Variants in OR51E1 observed in about 807,000 individuals in gnomAD.
OR51E1 encodes the protein olfactory receptor 51E1.
Under a neutral mutation model 11.5 loss-of-function variants are expected in OR51E1, and 9 were observed. That is an observed-to-expected ratio of 0.78 (90% CI 0.47 to 1.37). OR51E1 has a LOEUF of 1.37. Ranked by LOEUF, OR51E1 falls within the 40% of genes most tolerant of loss-of-function variation. The pLI, the probability that OR51E1 is intolerant of heterozygous loss-of-function variation, is 0.00. For missense variants in OR51E1, 397 were observed against 410.2 expected, an observed-to-expected ratio of 0.97 and a Z score of 0.28; for synonymous variants, 168 against 158.3, an observed-to-expected ratio of 1.06 and a Z score of -0.46.
At position 4,653,389 on chromosome 11, in the gene OR51E1, T is replaced by C. The variant is rs577181106; in HGVS notation, c.863T>C (p.Val288Ala). The change falls in exon 2 of 2, where the codon GTG becomes GCG. Residue 288 changes from valine to alanine, a missense_variant. Coordinates refer to ENST00000396952, the MANE Select transcript of OR51E1 (RefSeq NM_152430.4). ...LANIYLLVPP[V>A]LNPIVYGVKT... ...AATATCTATCTGCTGGTTCCTCCTG[T>C]GCTCAACCCAATTGTCTATGGAGTG... 1.7e-5 allele frequency: 27 copies of C among 1,614,194 alleles called. No individual in the cohort carries two copies. In the Middle Eastern group the frequency reaches 4.9e-4, roughly 30 times the overall value.
intron 1 of OR51E1, among the ~76,000 whole-genome samples, chr11:4,648,691 A>G (rs894866802): frequency 1.1e-4 from 17 of 152,168 alleles, no homozygotes; most frequent in African/African-American, 4.1e-4. Flanking sequence ...CTGTTTATGT[A>G]AAACTGATGG....
At chr11:4,644,963 G>A (rs1029992916) in intron 1 of OR51E1, among the ~76,000 whole-genome samples, 6 of 152,032 alleles carry the variant, frequency 3.9e-5, no homozygotes, top group Non-Finnish European at 5.9e-5. Flanking sequence ...GCTGGGGGAC[G>A]CTTTTCTCTT....
chr11:4,653,300 T>C lies in OR51E1; in HGVS notation c.774T>C (p.Ile258=). The change falls in exon 2 of 2, where the codon ATT becomes ATC. Residue 258 remains isoleucine (I), a synonymous_variant. Coordinates refer to ENST00000396952, the MANE Select transcript of OR51E1 (RefSeq NM_152430.4). The part of the protein sequence containing the change: ...CAVFIFYVPF[I]GLSMVHRFSK... ...TGTTCATATTCTATGTACCTTTCATTGGATTGTCCATGGTGCATCGCTTTA... is the reference window on the plus strand; with the variant it reads ...TGTTCATATTCTATGTACCTTTCATCGGATTGTCCATGGTGCATCGCTTTA... The C allele has an allele frequency of 6.2e-7, 1 of 1,614,180 alleles. No homozygotes were observed. Among genetic ancestry groups the C allele is most frequent in the Non-Finnish European group, 8.5e-7 (1 of 1,180,026 alleles).
Position 4,652,702 on chromosome 11 carries a change from A to T in OR51E1, c.176A>T (p.His59Leu). The T allele has an allele frequency of 6.2e-7, 1 of 1,614,084 alleles. No individual in the cohort carries two copies. The highest frequency in any genetic ancestry group is 8.5e-7 in the Non-Finnish European group (1 of 1,179,956). Reference sequence around the variant, plus strand: ...ATTGTGCGGACTGAGCACAGCCTGCATGAGCCCATGTATATATTTCTTTGC... The same window carrying T: ...ATTGTGCGGACTGAGCACAGCCTGCTTGAGCCCATGTATATATTTCTTTGC... ...IYIVRTEHSL[H>L]EPMYIFLCML... Residue 59 changes from histidine to leucine, a missense_variant, in exon 2 of 2, where the codon CAT becomes CTT. Transcript: ENST00000396952.
At chr11:4,651,007 A>T (rs913973325) in intron 1 of OR51E1, among the ~76,000 whole-genome samples, 1 of 144,418 alleles carries the variant, frequency 6.9e-6, no homozygotes, top group South Asian at 2.5e-4. Context: ...GCTACCCTAT[A>T]GTAGGAGCAC....
In OR51E1 at chr11:4,654,609, G is replaced by A. The variant is rs1054798426; in HGVS notation, c.*1126G>A. The A allele has an allele frequency of 6.0e-6, 1 of 167,062 alleles. No homozygotes were observed. The highest frequency in any genetic ancestry group is 1.5e-5 in the Non-Finnish European group (1 of 68,128). 10.3% of individuals were successfully genotyped at this position (167,062 alleles called of 1,614,324 possible). A position where few individuals can be genotyped will look rare whatever the true frequency, so the allele number is the denominator to read the frequency against. ...CCAGTTATGATGGGAAGTATGGAAT[G>A]GCAGGTCTTGAAGATAACATTGGCC... On this transcript the variant is annotated 3_prime_UTR_variant, in exon 2 of 2. Coordinates refer to ENST00000396952, the MANE Select transcript of OR51E1 (RefSeq NM_152430.4).
intron 1 of OR51E1, among the ~76,000 whole-genome samples, chr11:4,645,440 T>C (rs1051349646): frequency 1.3e-5 from 2 of 152,190 alleles, no homozygotes; most frequent in Non-Finnish European, 2.9e-5. Flanking sequence ...TCTGAGGCCC[T>C]TTTGCTTCCC....
At chr11:4,648,636 A>G (rs1429713085) in intron 1 of OR51E1, among the ~76,000 whole-genome samples, 6 of 152,096 alleles carry the variant, frequency 3.9e-5, no homozygotes, top group African/African-American at 1.4e-4. Context: ...GTTTCCTAAG[A>G]CAGCACATTT....
rs969328399 is a variant in OR51E1, at chr11:4,655,361, C to T, written c.*1878C>T. 8 of 167,022 alleles carry T rather than the reference C, an allele frequency of 4.8e-5. No homozygotes were observed. Among genetic ancestry groups the T allele is most frequent in the African/African-American group, 1.7e-4 (7 of 41,424 alleles). The allele number at this position is 167,022 out of a possible 1,614,324, so 10.3% of individuals were successfully genotyped here. ...GCTATGTGTTACACAGAGTAAATCACCAGAAGCCTGGATTTCTGAAAAAAC... is the reference window on the plus strand; with the variant it reads ...GCTATGTGTTACACAGAGTAAATCATCAGAAGCCTGGATTTCTGAAAAAAC... On this transcript the variant is annotated 3_prime_UTR_variant, in exon 2 of 2. Coordinates refer to ENST00000396952, the MANE Select transcript of OR51E1 (RefSeq NM_152430.4).
chr11:4,651,297 A>T (rs1369926946), intron 1 of OR51E1, among the ~76,000 whole-genome samples: 2 of 152,116 alleles, frequency 1.3e-5, no homozygotes, highest in Non-Finnish European at 2.9e-5. Context: ...GCAGAACCTG[A>T]GGTGGGGGTT....
intron 1 of OR51E1, among the ~76,000 whole-genome samples, chr11:4,652,104 A>T (rs987773301): frequency 1.3e-5 from 2 of 152,234 alleles, no homozygotes; most frequent in African/African-American, 4.8e-5. Flanking sequence ...AATTGCAGTT[A>T]GTATTAAGCA....
chr11:4,646,412 G>C (rs138869362), intron 1 of OR51E1, among the ~76,000 whole-genome samples: 1 of 152,288 alleles, frequency 6.6e-6, no homozygotes, highest in Admixed American at 6.5e-5. Context: ...TGCTTACAAA[G>C]CGAAGTCCCT....
chr11:4,650,599 C>T (rs1346628108), intron 1 of OR51E1, among the ~76,000 whole-genome samples: 1 of 152,132 alleles, frequency 6.6e-6, no homozygotes, highest in African/African-American at 2.4e-5. Flanking sequence ...CCGCTTGATG[C>T]TGGTACAAAG....
At chr11:4,647,407 G>A (rs967192212) in intron 1 of OR51E1, among the ~76,000 whole-genome samples, 1 of 152,134 alleles carries the variant, frequency 6.6e-6, no homozygotes, top group Non-Finnish European at 1.5e-5. Context: ...TCTTGTGGAG[G>A]GACTATGGAA....
chr11:4,652,726 G>C lies in OR51E1; in HGVS notation c.200G>C (p.Cys67Ser). 1 of 1,614,064 alleles carries C rather than the reference G, an allele frequency of 6.2e-7. No individual in the cohort carries two copies. The highest frequency in any genetic ancestry group is 8.5e-7 in the Non-Finnish European group (1 of 1,180,016). ...CATGAGCCCATGTATATATTTCTTTGCATGCTTTCAGGCATTGACATCCTC... is the reference window on the plus strand; with the variant it reads ...CATGAGCCCATGTATATATTTCTTTCCATGCTTTCAGGCATTGACATCCTC... ...SLHEPMYIFL[C>S]MLSGIDILIS... The change falls in exon 2 of 2, where the codon TGC becomes TCC. Residue 67 changes from cysteine to serine, a missense_variant. By Grantham distance (112) the Cys-to-Ser change is moderately radical (BLOSUM62 -1). Transcript: ENST00000396952.
rs897206341 is a variant in OR51E1 at position 4,652,673 on chromosome 11, C to T, written c.147C>T (p.Ile49=). Residue 49 remains isoleucine (I), a synonymous_variant, in exon 2 of 2, where the codon ATC becomes ATT. Coordinates refer to ENST00000396952, the MANE Select transcript of OR51E1 (RefSeq NM_152430.4). ...CTGTGCTAGGTAACTTGACAATCAT[C>T]TACATTGTGCGGACTGAGCACAGCC... ...LIAVLGNLTI[I]YIVRTEHSLH... 6.8e-6 allele frequency: 11 copies of T among 1,614,020 alleles called. No individual in the cohort carries two copies. The highest frequency in any genetic ancestry group is 9.3e-6 in the Non-Finnish European group (11 of 1,180,014).
intron 1 of OR51E1, among the ~76,000 whole-genome samples, chr11:4,649,885 C>A (rs367959155): frequency 2.6e-5 from 4 of 152,108 alleles, no homozygotes; most frequent in African/African-American, 9.7e-5. Context: ...TAGCCAGGGA[C>A]TCTTATAATC....
intron 1 of OR51E1, among the ~76,000 whole-genome samples, chr11:4,646,032 A>G (rs560127845): frequency 1.3e-5 from 2 of 152,178 alleles, no homozygotes; most frequent in Admixed American, 6.5e-5. Flanking sequence ...ACTCTATTTA[A>G]GAATCAAGTG....
At position 4,652,519 on chromosome 11, in the gene OR51E1, G is replaced by A. The variant is rs199976122; in HGVS notation, c.-8G>A. Reference sequence around the variant, plus strand: ...CCTGCCTGGTGCTGGTCACAGTTCAGCTTCTTCATGATGGTGGATCCCAAT... The same window carrying A: ...CCTGCCTGGTGCTGGTCACAGTTCAACTTCTTCATGATGGTGGATCCCAAT... On this transcript the variant is annotated 5_prime_UTR_variant, in exon 2 of 2. Transcript: ENST00000396952. 11 of 1,596,438 alleles carry A rather than the reference G, an allele frequency of 6.9e-6. No individual in the cohort carries two copies. Among genetic ancestry groups the A allele is most frequent in the Non-Finnish European group, 8.6e-6 (10 of 1,165,682 alleles).
Sources: gnomAD v4.1 joint callset for allele counts (sites outside exome capture counted in the v4.1 genomes callset) on GRCh38, gnomAD v4.1.1 for gene constraint, MANE v1.5 for transcripts, NCBI Gene and HGNC (gene_info 2026-07-23, HGNC 2026-07-21) for gene names.